The following ELP4 variants were observed in gnomAD, a reference collection of about 807,000 sequenced individuals.
ELP4 encodes the protein elongator acetyltransferase complex subunit 4, also known as elongator complex protein 4.
ELP4 carries 51 observed loss-of-function variants against 48.9 expected under a neutral mutation model. That is an observed-to-expected ratio of 1.04 (90% CI 0.83 to 1.32). The LOEUF is 1.32. Among genes scored for constraint, ELP4 ranks in the 40% most tolerant of loss-of-function variants. The pLI, the probability that ELP4 is intolerant of heterozygous loss-of-function variation, is 0.00. For synonymous variants in ELP4, 210 were observed against 189.2 expected (o/e 1.11, Z -0.90); for missense variants, 519 against 514.6 (o/e 1.01, Z -0.08).
intron 9 of ELP4, among the ~76,000 whole-genome samples, chr11:31,677,294 C>T (rs536610093): frequency 2.6e-5 from 4 of 152,300 alleles, no homozygotes; most frequent in African/African-American, 9.6e-5. Context: ...CAATGTAACG[C>T]ACACCAAGGT....
chr11:31,581,103 A>T (rs752807161), intron 3 of ELP4, among the ~76,000 whole-genome samples: 1 of 152,150 alleles, frequency 6.6e-6, no homozygotes, highest in African/African-American at 2.4e-5. Flanking sequence ...ACTTTCCACT[A>T]AAGTTTTCAA....
chr11:31,547,438 G>A (rs372770947), intron 3 of ELP4, among the ~76,000 whole-genome samples: 27 of 152,082 alleles, frequency 1.8e-4, no homozygotes, highest in Non-Finnish European at 2.5e-4. Context: ...TAAACCAGGA[G>A]GAAGTTGAAT....
chr11:31,782,839 T>A (rs1948407988), intron 9 of ELP4, among the ~76,000 whole-genome samples: 1 of 152,208 alleles, frequency 6.6e-6, no homozygotes, highest in African/African-American at 2.4e-5. Flanking sequence ...GTATCATTTT[T>A]TTATGTTGTC....
chr11:31,574,504 C>G (rs932747995), intron 3 of ELP4, among the ~76,000 whole-genome samples: 2 of 152,238 alleles, frequency 1.3e-5, no homozygotes, highest in African/African-American at 4.8e-5. Context: ...GTCCCTGACC[C>G]CTGAGTAACC....
chr11:31,616,566 TAGAC>T (rs1029646203), intron 5 of ELP4, among the ~76,000 whole-genome samples: 3 of 151,848 alleles, frequency 2.0e-5, no homozygotes, highest in African/African-American at 7.2e-5. Context: ...AAAGCAAAAA[TAGAC>T]AAATAGGATG....
At chr11:31,527,603 A>G (rs139722790) in intron 2 of ELP4, among the ~76,000 whole-genome samples, 206 of 152,166 alleles carry the variant, frequency 1.4e-3, no homozygotes, top group African/African-American at 4.6e-3. Context: ...AATGACTTTT[A>G]TCCTTTAAAT....
Position 31,594,852 on chromosome 11 carries a change from A to G in ELP4, c.464A>G (p.Asn155Ser). 1 of 1,567,462 alleles carries G rather than the reference A, an allele frequency of 6.4e-7. No homozygotes were observed. Residue 155 changes from asparagine (N) to serine (S), a missense_variant, in exon 4 of 10, where the codon AAT becomes AGT. Coordinates refer to ENST00000640961, the MANE Select transcript of ELP4 (RefSeq NM_019040.5). Reference protein sequence around the residue: ...DVYNHKTPESNIKMKIAWRYQ... With the variant: ...DVYNHKTPESSIKMKIAWRYQ... The stretch of plus-strand genomic sequence containing the variant: ...TACAATCATAAAACACCAGAATCTA[A>G]TATTAAGATGAAAATAGCTTGGCGT...
rs140683814 is a variant in ELP4, at chr11:31,545,690, A to T, written c.381+5907A>T. Among the ~76,000 whole-genome samples the T allele has an allele frequency of 7.1e-3, 1,082 of 152,326 alleles. 11 individuals carry two copies. The highest frequency in any genetic ancestry group is 0.025 in the African/African-American group (1,040 of 41,572). ...TGCAAGACACGTAATTGTCAGATTCATCAAAGTTGAAATGAAGGAAAAAAT... is the reference window on the plus strand; with the variant it reads ...TGCAAGACACGTAATTGTCAGATTCTTCAAAGTTGAAATGAAGGAAAAAAT... On this transcript the variant is annotated intron_variant, in intron 3 of 9. Transcript: ENST00000640961.
Position 31,790,120 on chromosome 11 carries a change from A to AAAAAAAAAAC in ELP4, c.*6596_*6597insAAAAAAAAAC. ...TACAAAAAAAAAAAAAAAAAAAAAAACTAATACTTTCTAACATTTTTTACT... is the reference window on the plus strand; with the variant it reads ...TACAAAAAAAAAAAAAAAAAAAAAAAAAAAAAAAACCTAATACTTTCTAACATTTTTTACT... On this transcript the variant is annotated 3_prime_UTR_variant, in exon 10 of 10. Coordinates refer to ENST00000640961, the MANE Select transcript of ELP4 (RefSeq NM_019040.5). The AAAAAAAAAAC allele has an allele frequency of 1.3e-6, 1 of 759,764 alleles. No individual in the cohort carries two copies. Among genetic ancestry groups the AAAAAAAAAAC allele is most frequent in the Non-Finnish European group, 2.1e-6 (1 of 465,820 alleles). The allele number at this position is 759,764 out of a possible 1,614,324, so 47.1% of individuals were successfully genotyped here.
intron 6 of ELP4, chr11:31,628,126 C>T (rs941261322): frequency 6.6e-6 from 1 of 151,888 alleles, no homozygotes; most frequent in Admixed American, 6.6e-5. Context: ...TCATGTATGT[C>T]ATAATTTTTG....
At chr11:31,669,333 G>A (rs1409486416) in intron 9 of ELP4, among the ~76,000 whole-genome samples, 2 of 151,878 alleles carry the variant, frequency 1.3e-5, no homozygotes, top group African/African-American at 4.8e-5. Context: ...CGCCTGCCTC[G>A]GCCTCCCAAA....
chr11:31,671,113 G>A (rs908679745), intron 9 of ELP4, among the ~76,000 whole-genome samples: 10 of 152,002 alleles, frequency 6.6e-5, no homozygotes, highest in African/African-American at 1.4e-4. Context: ...AAAGATTTCC[G>A]ATAGAAACTA....
intron 3 of ELP4, among the ~76,000 whole-genome samples, chr11:31,570,830 C>T (rs1957182439): frequency 8.4e-6 from 1 of 119,428 alleles, no homozygotes; most frequent in Non-Finnish European, 1.6e-5. Flanking sequence ...GACAGAGTCT[C>T]ACTCTGTCGC....
chr11:31,707,018 C>T (rs1171169194), intron 9 of ELP4: 4 of 398,174 alleles, frequency 1.0e-5, no homozygotes, highest in East Asian at 3.6e-5. Flanking sequence ...TCTTAGCTAT[C>T]GTGAATAGTG....
At chr11:31,537,311 G>A (rs977625831) in intron 2 of ELP4, among the ~76,000 whole-genome samples, 3 of 152,118 alleles carry the variant, frequency 2.0e-5, no homozygotes, top group African/African-American at 7.2e-5. Context: ...GTCAAAAACC[G>A]ATTGTATGGA....
chr11:31,645,457 G>A lies in ELP4; in HGVS notation c.928-2284G>A, dbSNP rs1945180320. Among the ~76,000 whole-genome samples the A allele has an allele frequency of 2.0e-5, 3 of 151,692 alleles. No individual in the cohort carries two copies. In the Admixed American group the frequency reaches 2.0e-4, roughly 10 times the overall value. ...GTCAGGTTGACCATTTAAATACACAGTACTTTGCTTATGTACTATCAGAAT... is the reference window on the plus strand; with the variant it reads ...GTCAGGTTGACCATTTAAATACACAATACTTTGCTTATGTACTATCAGAAT... On this transcript the variant is annotated intron_variant, in intron 7 of 9. Coordinates refer to ENST00000640961, the MANE Select transcript of ELP4 (RefSeq NM_019040.5).
chr11:31,779,650 T>G (rs958048819), intron 9 of ELP4: 9 of 152,232 alleles, frequency 5.9e-5, no homozygotes, highest in Non-Finnish European at 1.2e-4. Context: ...AGGGTGCCTT[T>G]TGGCAGGAGT....
chr11:31,594,378 G>C (rs1175971144), intron 3 of ELP4, among the ~76,000 whole-genome samples: 1 of 152,076 alleles, frequency 6.6e-6, no homozygotes, highest in Non-Finnish European at 1.5e-5. Context: ...CCAATAAGCA[G>C]ATTGTGCAAA....
chr11:31,599,089 G>T (rs1454102267), intron 4 of ELP4: 2 of 152,072 alleles, frequency 1.3e-5, no homozygotes, highest in Non-Finnish European at 2.9e-5. Flanking sequence ...TGAGCTCAAT[G>T]AGAGAAAGGG....
Sources: gnomAD v4.1 joint callset for allele counts (sites outside exome capture counted in the v4.1 genomes callset) on GRCh38, gnomAD v4.1.1 for gene constraint, MANE v1.5 for transcripts, NCBI Gene and HGNC (gene_info 2026-07-23, HGNC 2026-07-21) for gene names.